SIRT5: variants seen among roughly 807,000 people sequenced by gnomAD.
SIRT5 encodes the protein sirtuin 5, also known as NAD-dependent protein deacylase sirtuin-5, mitochondrial.
In SIRT5, 26 loss-of-function variants were observed where a neutral mutation model predicts 40.0. The ratio of observed to expected loss-of-function variants is 0.65; its 90% CI spans 0.48 to 0.90. SIRT5 has a LOEUF of 0.90. Ranked by LOEUF, SIRT5 falls within the 40% of genes least tolerant of loss-of-function variation. The pLI, the probability that SIRT5 is intolerant of heterozygous loss-of-function variation, is 0.00. For missense variants in SIRT5, 401 were observed against 402.4 expected (o/e 1.00, Z 0.03); for synonymous variants, 146 against 149.1 (o/e 0.98, Z 0.15).
intron 2 of SIRT5, among the ~76,000 whole-genome samples, chr6:13,582,183 CAT>C (rs1759433915): frequency 6.6e-6 from 1 of 152,208 alleles, no homozygotes; most frequent in African/African-American, 2.4e-5. Context: ...TATATAAACA[CAT>C]ATGGAAAATC....
chr6:13,584,079 G>T lies in SIRT5; in HGVS notation c.-32G>T. On this transcript the variant is annotated 5_prime_UTR_variant, in exon 3 of 10. Transcript: ENST00000606117. ...TGTTTTTGTGATTTTTCTAAAGCCC[G>T]CCTCAAGCATTAGAACTACAGACAA... 2.0e-6 allele frequency: 3 copies of T among 1,505,670 alleles called. No individual in the cohort carries two copies. Among genetic ancestry groups the T allele is most frequent in the Non-Finnish European group, 2.8e-6 (3 of 1,087,434 alleles). 93.3% of individuals were successfully genotyped at this position (1,505,670 alleles called of 1,614,324 possible). A position where few individuals can be genotyped will look rare whatever the true frequency, so the allele number is the denominator to read the frequency against.
chr6:13,604,759 T>C, intron 9 of SIRT5: 1 of 1,236,686 alleles, frequency 8.1e-7, no homozygotes, highest in Non-Finnish European at 1.0e-6. Context: ...ATATCACTGC[T>C]CAAGTCAAGC....
intron 4 of SIRT5, among the ~76,000 whole-genome samples, 176 bp from the exon 5 acceptor site, chr6:13,591,493 G>A (rs989258172): frequency 1.3e-5 from 2 of 152,202 alleles, no homozygotes; most frequent in Admixed American, 6.5e-5. Flanking sequence ...GACGTAGGCT[G>A]GTACCCAGAC....
intron 9 of SIRT5, among the ~76,000 whole-genome samples, chr6:13,611,250 C>T (rs1207095263): frequency 5.1e-5 from 7 of 136,894 alleles, no homozygotes; most frequent in African/African-American, 1.6e-4. Context: ...CACACACATA[C>T]ACACACACAT....
At chr6:13,587,128 TG>T (rs1760184225) in intron 3 of SIRT5, among the ~76,000 whole-genome samples, 1 of 147,554 alleles carries the variant, frequency 6.8e-6, no homozygotes, top group Non-Finnish European at 1.5e-5. Flanking sequence ...TAACACAGGG[TG>T]GCCATCCTTG....
At chr6:13,583,668 C>T (rs942821297) in intron 2 of SIRT5, among the ~76,000 whole-genome samples, 3 of 152,314 alleles carry the variant, frequency 2.0e-5, no homozygotes, top group Middle Eastern at 3.4e-3. Context: ...TTTAGTGGTC[C>T]TCAAACTTGA....
At position 13,610,670 on chromosome 6, in the gene SIRT5, C is replaced by T. The variant is rs566049324; in HGVS notation, c.858-1120C>T. Among the ~76,000 whole-genome samples the T allele has an allele frequency of 1.3e-3, 197 of 152,246 alleles. 2 individuals carry two copies. Among genetic ancestry groups the T allele is most frequent in the African/African-American group, 3.8e-3 (159 of 41,536 alleles). Reference sequence around the variant, plus strand: ...GGTGGAAATTGAGGATCTGGGAATTCCCTAAACGCTCCCCATGGCTGGCAG... The same window carrying T: ...GGTGGAAATTGAGGATCTGGGAATTTCCTAAACGCTCCCCATGGCTGGCAG... On this transcript the variant is annotated intron_variant, in intron 9 of 9. Transcript: ENST00000606117.
At chr6:13,586,109 A>G (rs1760048935) in intron 3 of SIRT5, among the ~76,000 whole-genome samples, 1 of 152,092 alleles carries the variant, frequency 6.6e-6, no homozygotes, top group Non-Finnish European at 1.5e-5. Context: ...TTTCTTGTAA[A>G]TTTGTTTAAG....
rs777696510 is a variant in SIRT5 at position 13,588,443 on chromosome 6, T to C, written c.228T>C (p.Tyr76=). The C allele has an allele frequency of 6.2e-7, 1 of 1,614,156 alleles. No homozygotes were observed. Among genetic ancestry groups the C allele is most frequent in the Non-Finnish European group, 8.5e-7 (1 of 1,180,016 alleles). ...CGACCTTCAGAGGAGCTGGAGGTTA[T>C]TGGAGAAAATGGCAAGCCCAGGTTT... is the stretch of plus-strand genomic sequence containing the variant. ...GVPTFRGAGG[Y]WRKWQAQDLA... Residue 76 remains tyrosine, a synonymous_variant, in exon 4 of 10, where the codon TAT becomes TAC. Coordinates refer to ENST00000606117, the MANE Select transcript of SIRT5 (RefSeq NM_012241.5).
chr6:13,608,865 C>T (rs1289949960), intron 9 of SIRT5, among the ~76,000 whole-genome samples: 2 of 149,524 alleles, frequency 1.3e-5, no homozygotes, highest in African/African-American at 4.9e-5. Flanking sequence ...TCTTGTTGCT[C>T]AGGCTGGAGT....
intron 1 of SIRT5, among the ~76,000 whole-genome samples, chr6:13,577,734 C>T (rs1279970323): frequency 1.3e-5 from 2 of 148,328 alleles, no homozygotes; most frequent in African/African-American, 2.5e-5. Flanking sequence ...ATATACATAT[C>T]TATATTATAT....
At chr6:13,605,480 A>G (rs1762984852) in intron 9 of SIRT5, 1 of 984,214 alleles carries the variant, frequency 1.0e-6, no homozygotes, top group Non-Finnish European at 1.2e-6. Context: ...GGCAGCTAGA[A>G]TGCTGCCTAT....
Position 13,611,894 on chromosome 6 carries a change from A to G in SIRT5, c.*29A>G, listed in dbSNP as rs202090644. The G allele has an allele frequency of 1.4e-5, 22 of 1,608,490 alleles. No individual in the cohort carries two copies. Among genetic ancestry groups the G allele is most frequent in the Non-Finnish European group, 1.8e-5 (21 of 1,175,266 alleles). Reference sequence around the variant, plus strand: ...TCCTGGGGAAGAAAGAAATTACAGTATATCTAAGAACTAGGCCACACGCAG... The same window carrying G: ...TCCTGGGGAAGAAAGAAATTACAGTGTATCTAAGAACTAGGCCACACGCAG... On this transcript the variant is annotated 3_prime_UTR_variant, in exon 10 of 10. Transcript: ENST00000606117.
At position 13,587,767 on chromosome 6, in the gene SIRT5, A is replaced by G. The variant is rs140218595; in HGVS notation, c.116-564A>G. On this transcript the variant is annotated intron_variant, in intron 3 of 9. Transcript: ENST00000606117. ...GGCTCTCATTTGACTTGTCAAGAAGAAGGCCATGTGTCCTCAAATAAGACC... is the reference window on the plus strand; with the variant it reads ...GGCTCTCATTTGACTTGTCAAGAAGGAGGCCATGTGTCCTCAAATAAGACC... Among the ~76,000 whole-genome samples, 9 of 152,334 alleles carry G rather than the reference A, an allele frequency of 5.9e-5. No individual in the cohort carries two copies. In the East Asian group the frequency reaches 1.7e-3, roughly 29 times the overall value.
chr6:13,596,907 C>G (rs903319812), intron 6 of SIRT5, 56 bp from the exon 7 acceptor site: 1 of 1,409,620 alleles, frequency 7.1e-7, no homozygotes, highest in African/African-American at 1.4e-5. Context: ...TATGTTGTTT[C>G]TTTATTTTTT....
intron 7 of SIRT5, among the ~76,000 whole-genome samples, chr6:13,598,675 G>A (rs1334737476): frequency 1.3e-5 from 2 of 151,876 alleles, no homozygotes; most frequent in East Asian, 3.9e-4. Context: ...CTAAGAATAC[G>A]AAAATTAGCT....
rs763811847 is a variant in SIRT5 at position 13,584,079 on chromosome 6, G to A, written c.-32G>A. On this transcript the variant is annotated 5_prime_UTR_variant, in exon 3 of 10. Coordinates refer to ENST00000606117, the MANE Select transcript of SIRT5 (RefSeq NM_012241.5). ...TGTTTTTGTGATTTTTCTAAAGCCC[G>A]CCTCAAGCATTAGAACTACAGACAA... 23 of 1,505,552 alleles carry A rather than the reference G, an allele frequency of 1.5e-5. No homozygotes were observed. The highest frequency in any genetic ancestry group is 3.5e-4 in the Middle Eastern group (2 of 5,666). The allele number at this position is 1,505,552 out of a possible 1,614,324, so 93.3% of individuals were successfully genotyped here.
At chr6:13,605,838 G>A (rs1763032960) in intron 9 of SIRT5, 1 of 985,444 alleles carries the variant, frequency 1.0e-6, no homozygotes, top group Non-Finnish European at 1.2e-6. Flanking sequence ...CAGGGAGCTG[G>A]TGGCCAGGGC....
In SIRT5 at chr6:13,584,187, G is replaced by A. The variant is rs1479817968; in HGVS notation, c.77G>A (p.Arg26Gln). 1 of 1,614,142 alleles carries A rather than the reference G, an allele frequency of 6.2e-7. No individual in the cohort carries two copies. The highest frequency in any genetic ancestry group is 8.5e-7 in the Non-Finnish European group (1 of 1,180,022). Reference sequence around the variant, plus strand: ...GGCCTGAAGCCTCCAGCGTCCACACGAAACCAGATTTGCCTGAAAATGGCT... The same window carrying A: ...GGCCTGAAGCCTCCAGCGTCCACACAAAACCAGATTTGCCTGAAAATGGCT... ...YCGLKPPAST[R>Q]NQICLKMARP... The change falls in exon 3 of 10, where the codon CGA becomes CAA. Residue 26 changes from arginine to glutamine, a missense_variant. Arg to Gln is a conservative substitution (Grantham distance 43). Coordinates refer to ENST00000606117, the MANE Select transcript of SIRT5 (RefSeq NM_012241.5).
Sources: gnomAD v4.1 joint callset for allele counts (sites outside exome capture counted in the v4.1 genomes callset) on GRCh38, gnomAD v4.1.1 for gene constraint, MANE v1.5 for transcripts, NCBI Gene and HGNC (gene_info 2026-07-23, HGNC 2026-07-21) for gene names.